The following ZNF446 variants were observed in gnomAD, a reference collection of about 807,000 sequenced individuals.
ZNF446 encodes zinc finger protein 446, also known as zinc finger protein with KRAB and SCAN domains 20.
A neutral mutation model predicts 34.0 loss-of-function variants in ZNF446; 42 were observed. That is an observed-to-expected ratio of 1.23 (90% CI 0.96 to 1.60). The LOEUF (loss-of-function observed/expected upper bound fraction) is 1.60. Among genes scored for constraint, ZNF446 ranks in the 40% most tolerant of loss-of-function variants. The pLI is 0.00. For synonymous variants in ZNF446, 315 were observed against 251.0 expected, an observed-to-expected ratio of 1.25 and a Z score of -2.41; for missense variants, 650 against 600.2, an observed-to-expected ratio of 1.08 and a Z score of -0.87.
Position 58,477,518 on chromosome 19 carries a change from A to G in ZNF446, c.300A>G (p.Leu100=), listed in dbSNP as rs1201554666. The G allele has an allele frequency of 1.2e-6, 2 of 1,612,866 alleles. No individual in the cohort carries two copies. Among genetic ancestry groups the G allele is most frequent in the Non-Finnish European group, 1.7e-6 (2 of 1,179,446 alleles). The change falls in exon 2 of 7, where the codon CTA becomes CTG. Residue 100 remains leucine, a synonymous_variant. Coordinates refer to ENST00000594369, the MANE Select transcript of ZNF446 (RefSeq NM_017908.4). ...GCAGTCCTGAGGAGGCCGCTGCCCT[A>G]GTCGAAGGACTGCAGCATGACCCTG... ...RPGSPEEAAA[L]VEGLQHDPGQ... is the part of the protein sequence containing the mutation.
At chr19:58,478,880 T>A (rs2053113073) in intron 4 of ZNF446, among the ~76,000 whole-genome samples, 1 of 152,072 alleles carries the variant, frequency 6.6e-6, no homozygotes, top group African/African-American at 2.4e-5. Context: ...CCCCCACACC[T>A]GAGACCAGAT....
In ZNF446 at chr19:58,480,998, C is replaced by G. The variant is rs755202983; in HGVS notation, c.*272C>G. Reference sequence around the variant, plus strand: ...TGCCTGTGGGGTGACTGCCAAGCACCAGGCTCCCTCCCTCCCTGTGACATG... The same window carrying G: ...TGCCTGTGGGGTGACTGCCAAGCACGAGGCTCCCTCCCTCCCTGTGACATG... On this transcript the variant is annotated 3_prime_UTR_variant, in exon 7 of 7. Coordinates refer to ENST00000594369, the MANE Select transcript of ZNF446 (RefSeq NM_017908.4). The surrounding 1 kb of genome is among the most constrained non-coding windows in gnomAD (Gnocchi z 7.2). The G allele has an allele frequency of 3.7e-5, 18 of 485,394 alleles. No homozygotes were observed. The highest frequency in any genetic ancestry group is 3.1e-4 in the Admixed American group (9 of 29,474). The allele number at this position is 485,394 out of a possible 1,614,324, so 30.1% of individuals were successfully genotyped here.
downstream of ZNF446, among the ~76,000 whole-genome samples, chr19:58,481,598 A>T (rs368035464): frequency 1.3e-5 from 2 of 152,178 alleles, no homozygotes; most frequent in African/African-American, 4.8e-5. Flanking sequence ...ATGCAGCAGG[A>T]AGGCAAAAGG....
In ZNF446 at chr19:58,480,105, G is replaced by A. The variant is rs1183339788; in HGVS notation, c.803-71G>A. On this transcript the variant is annotated intron_variant, in intron 6 of 6. Coordinates refer to ENST00000594369, the MANE Select transcript of ZNF446 (RefSeq NM_017908.4). This position sits in a 1 kb window ranked among gnomAD's most constrained non-coding sequence, Gnocchi z 7.2. Reference sequence around the variant, plus strand: ...CCCACTCATGGGGGGACGGGAGCTTGTGCCACGGCCACAAGCCTGAGGGAG... The same window carrying A: ...CCCACTCATGGGGGGACGGGAGCTTATGCCACGGCCACAAGCCTGAGGGAG... 6.4e-6 allele frequency: 10 copies of A among 1,562,210 alleles called. No homozygotes were observed. In the South Asian group the frequency reaches 6.9e-5, roughly 11 times the overall value.
At chr19:58,481,399 C>T (rs915951122), downstream of ZNF446, among the ~76,000 whole-genome samples, 8 of 152,268 alleles carry the variant, frequency 5.3e-5, no homozygotes, top group Middle Eastern at 3.4e-3. Flanking sequence ...TGCTCCTTGC[C>T]GCCCACATCA....
At position 58,477,426 on chromosome 19, in the gene ZNF446, G is replaced by A; in HGVS notation, c.208G>A (p.Val70Met). The change falls in exon 2 of 7, where the codon GTG becomes ATG. Residue 70 changes from valine to methionine, a missense_variant. By Grantham distance (21) the Val-to-Met change is conservative (BLOSUM62 1). Coordinates refer to ENST00000594369, the MANE Select transcript of ZNF446 (RefSeq NM_017908.4). ...HSKEQMLEML[V>M]LEQFLGTLPP... Reference sequence around the variant, plus strand: ...CAAGGAGCAGATGCTGGAGATGCTGGTGCTGGAGCAGTTCCTGGGCACACT... The same window carrying A: ...CAAGGAGCAGATGCTGGAGATGCTGATGCTGGAGCAGTTCCTGGGCACACT... 1 of 1,613,556 alleles carries A rather than the reference G, an allele frequency of 6.2e-7. No homozygotes were observed. Among genetic ancestry groups the A allele is most frequent in the Non-Finnish European group, 8.5e-7 (1 of 1,180,010 alleles).
chr19:58,486,321 C>A, the ZNF446 span, among the ~76,000 whole-genome samples: 1 of 152,094 alleles, frequency 6.6e-6, no homozygotes, highest in South Asian at 2.1e-4. Context: ...AATCTCCTGA[C>A]CTCGTGATCC....
chr19:58,484,453 G>A (rs1178607377), downstream of ZNF446, among the ~76,000 whole-genome samples: 11 of 144,812 alleles, frequency 7.6e-5, no homozygotes, highest in South Asian at 2.2e-4. Flanking sequence ...GCAACAGGGC[G>A]AGACTCCATC....
downstream of ZNF446, among the ~76,000 whole-genome samples, chr19:58,484,639 C>T (rs990998337): frequency 6.6e-6 from 1 of 151,776 alleles, no homozygotes. Flanking sequence ...CAAGACCAGC[C>T]TGGGCAACAT....
At chr19:58,477,080 A>G (rs367911140) in intron 1 of ZNF446, 99 bp from the exon 2 acceptor site, 3 of 718,614 alleles carry the variant, frequency 4.2e-6, no homozygotes, top group African/African-American at 3.5e-5. Flanking sequence ...GCCTCAGAGT[A>G]CACTTGGTCC....
the ZNF446 span, among the ~76,000 whole-genome samples, chr19:58,486,250 G>A: frequency 2.0e-5 from 3 of 150,380 alleles, no homozygotes; most frequent in African/African-American, 4.9e-5. Context: ...GTGCCACCAC[G>A]CCTGGCTACT....
chr19:58,477,234 G>C lies in ZNF446; in HGVS notation c.16G>C (p.Gly6Arg). The C allele has an allele frequency of 1.3e-6, 2 of 1,576,182 alleles. No homozygotes were observed. Among genetic ancestry groups the C allele is most frequent in the Non-Finnish European group, 1.7e-6 (2 of 1,159,262 alleles). The change falls in exon 2 of 7, where the codon GGT becomes CGT. Residue 6 changes from glycine to arginine, a missense_variant. Transcript: ENST00000594369. MPSPL[G>R]PPCLPVMDPE... ...TTGAGCAAGAATGCCATCCCCTCTG[G>C]GTCCCCCATGCCTGCCCGTCATGGA...
downstream of ZNF446, among the ~76,000 whole-genome samples, chr19:58,484,465 C>CAA (rs762913939): frequency 0.18 from 17,350 of 97,082 alleles, 1,377 homozygotes; most frequent in Non-Finnish European, 0.22. Context: ...GACTCCATCT[C>CAA]AAAAAAAAAA....
intron 4 of ZNF446, among the ~76,000 whole-genome samples, chr19:58,478,440 G>A (rs890015848): frequency 3.3e-5 from 5 of 152,076 alleles, no homozygotes; most frequent in Middle Eastern, 3.2e-3. Context: ...GAGGTGAGCG[G>A]ATCACCTGAG....
chr19:58,488,487 C>G, the ZNF446 span, among the ~76,000 whole-genome samples: 2 of 151,808 alleles, frequency 1.3e-5, no homozygotes, highest in African/African-American at 4.8e-5. Flanking sequence ...ATGGATTTCT[C>G]AGCCTTCAAA....
chr19:58,480,391 G>C lies in ZNF446; in HGVS notation c.1018G>C (p.Gly340Arg), dbSNP rs768955505. ...CTACACGTGCGAGCAGTGTGGCCGC[G>C]GCTTCGACTGGAAGTCAGTGTTCGT... ...KPYTCEQCGR[G>R]FDWKSVFVIH... The change falls in exon 7 of 7, where the codon GGC (glycine) becomes CGC (arginine). Residue 340 changes from glycine to arginine, a missense_variant. Transcript: ENST00000594369. This position sits in a 1 kb window ranked among gnomAD's most constrained non-coding sequence, Gnocchi z 7.2. 4.1e-5 allele frequency: 66 copies of C among 1,611,688 alleles called. No individual in the cohort carries two copies. Among genetic ancestry groups the C allele is most frequent in the Non-Finnish European group, 5.5e-5 (65 of 1,179,384 alleles).
At chr19:58,485,346 A>C (rs148467863), downstream of ZNF446, among the ~76,000 whole-genome samples, 1,125 of 92,786 alleles carry the variant, frequency 0.012, 8 homozygotes, top group Non-Finnish European at 0.02. Context: ...CTAAAAATAC[A>C]AAAAAAAAAA....
chr19:58,479,460 G>A lies in ZNF446; in HGVS notation c.628-183G>A, dbSNP rs2053117418. 6 of 630,744 alleles carry A rather than the reference G, an allele frequency of 9.5e-6. No individual in the cohort carries two copies. The Admixed American group carries it at 1.4e-4, about 15-fold the overall frequency. 39.1% of individuals were successfully genotyped at this position (630,744 alleles called of 1,614,324 possible). A position where few individuals can be genotyped will look rare whatever the true frequency, so the allele number is the denominator to read the frequency against. ...GGGATGAGTGCTGGCAGCAGCACTG[G>A]TCAGGTGATCTGAAGGAGAACCTCT... On this transcript the variant is annotated intron_variant, in intron 4 of 6. Coordinates refer to ENST00000594369, the MANE Select transcript of ZNF446 (RefSeq NM_017908.4).
At chr19:58,478,055 G>T in intron 3 of ZNF446, 32 bp from the exon 4 acceptor site, 1 of 1,589,962 alleles carries the variant, frequency 6.3e-7, no homozygotes, top group South Asian at 1.1e-5. Context: ...GGCAGCCCCT[G>T]ACACCACCCT....
Sources: gnomAD v4.1 joint callset for allele counts (sites outside exome capture counted in the v4.1 genomes callset) on GRCh38, gnomAD v4.1.1 for gene constraint, Gnocchi (gnomAD v3.1) non-coding constraint, MANE v1.5 for transcripts, NCBI Gene and HGNC (gene_info 2026-07-23, HGNC 2026-07-21) for gene names.